GALNT17: variants seen among roughly 807,000 people sequenced by gnomAD.
GALNT17 encodes polypeptide N-acetylgalactosaminyltransferase 17, also known as UDP-GalNAc:polypeptide N-acetylgalactosaminyltransferase-like 3.
A neutral mutation model predicts 63.7 loss-of-function variants in GALNT17; 29 were observed. The observed-to-expected ratio is 0.46, with a 90% confidence interval of 0.34 to 0.62. The LOEUF is 0.62. Among genes scored for constraint, GALNT17 ranks in the 20% least tolerant of loss-of-function variants. The pLI, the probability that GALNT17 is intolerant of heterozygous loss-of-function variation, is 0.01. For missense variants in GALNT17, 603 were observed against 799.6 expected (o/e 0.75, Z 2.97); for synonymous variants, 305 against 318.3 (o/e 0.96, Z 0.45).
At chr7:71,324,390 C>T (rs1028294494) in intron 1 of GALNT17, among the ~76,000 whole-genome samples, 11 of 152,094 alleles carry the variant, frequency 7.2e-5, no homozygotes, top group African/African-American at 2.7e-4. Flanking sequence ...GTGGCTCACA[C>T]CTGTAATCCT....
intron 5 of GALNT17, among the ~76,000 whole-genome samples, chr7:71,513,909 G>A (rs1002366581): frequency 3.3e-5 from 5 of 152,190 alleles, no homozygotes; most frequent in African/African-American, 1.2e-4. Flanking sequence ...TCACAGTGGA[G>A]AGCTGGGCAT....
chr7:71,392,178 T>C (rs1793063792), intron 3 of GALNT17, among the ~76,000 whole-genome samples: 1 of 152,172 alleles, frequency 6.6e-6, no homozygotes, highest in Non-Finnish European at 1.5e-5. Flanking sequence ...GACCCTGAAA[T>C]AAACATCTTC....
chr7:71,545,858 G>A (rs543271254), intron 5 of GALNT17, among the ~76,000 whole-genome samples: 16 of 152,210 alleles, frequency 1.1e-4, no homozygotes, highest in South Asian at 6.2e-4. Flanking sequence ...GGATTTCTCC[G>A]GTAAGTTTTC....
chr7:71,245,848 G>GTTTTTTTTTT (rs542136452), intron 1 of GALNT17, among the ~76,000 whole-genome samples: 3 of 122,878 alleles, frequency 2.4e-5, no homozygotes, highest in South Asian at 2.7e-4. Context: ...AAGAGAGCAG[G>GTTTTTTTTTT]TTTTTTTTTT....
chr7:71,299,507 C>G (rs1010993010), intron 1 of GALNT17, among the ~76,000 whole-genome samples: 2 of 152,156 alleles, frequency 1.3e-5, no homozygotes, highest in African/African-American at 4.8e-5. Context: ...AGGCTCCACG[C>G]ATTCCACAGA....
intron 5 of GALNT17, among the ~76,000 whole-genome samples, chr7:71,516,675 T>C (rs1788450182): frequency 6.6e-6 from 1 of 152,122 alleles, no homozygotes; most frequent in South Asian, 2.1e-4. Context: ...TGACTTGAGA[T>C]CAGCCCAAGG....
At chr7:71,406,327 C>T (rs1438764479) in intron 3 of GALNT17, among the ~76,000 whole-genome samples, 2 of 152,178 alleles carry the variant, frequency 1.3e-5, no homozygotes, top group African/African-American at 4.8e-5. Flanking sequence ...GCATTGGGCC[C>T]CTTACTTGCA....
chr7:71,706,319 C>T (rs1188602698), intron 9 of GALNT17, among the ~76,000 whole-genome samples: 4 of 152,188 alleles, frequency 2.6e-5, no homozygotes, highest in Non-Finnish European at 1.5e-5. Context: ...TCTGCAGGTC[C>T]TGGCATTCTA....
At chr7:71,651,408 T>C (rs1253283742) in intron 6 of GALNT17, among the ~76,000 whole-genome samples, 3 of 151,330 alleles carry the variant, frequency 2.0e-5, no homozygotes, top group African/African-American at 7.3e-5. Context: ...GTTTAAGCAA[T>C]TCTCCTGCCT....
chr7:71,133,173 C>T (rs950515307), intron 1 of GALNT17, 133 bp downstream of exon 1: 43 of 732,174 alleles, frequency 5.9e-5, no homozygotes, highest in East Asian at 1.3e-4. Flanking sequence ...TCCTTCTTAC[C>T]CTTCCTGCCC....
At chr7:71,454,438 A>G (rs1444213037) in intron 5 of GALNT17, among the ~76,000 whole-genome samples, 1 of 152,160 alleles carries the variant, frequency 6.6e-6, no homozygotes, top group Non-Finnish European at 1.5e-5. Flanking sequence ...GTGTATATGT[A>G]CCACATTTTC....
At chr7:71,664,147 G>A (rs375953708) in intron 6 of GALNT17, among the ~76,000 whole-genome samples, 6 of 151,798 alleles carry the variant, frequency 4.0e-5, no homozygotes, top group African/African-American at 1.5e-4. Context: ...GGGATGAGAA[G>A]TCCCACATCC....
At chr7:71,149,680 G>A (rs1382851051) in intron 1 of GALNT17, among the ~76,000 whole-genome samples, 4 of 152,188 alleles carry the variant, frequency 2.6e-5, no homozygotes, top group Non-Finnish European at 5.9e-5. Context: ...TTGATATTAA[G>A]TTAATTAAAA....
At chr7:71,420,586 A>G (rs901502800) in intron 4 of GALNT17, among the ~76,000 whole-genome samples, 1 of 152,162 alleles carries the variant, frequency 6.6e-6, no homozygotes, top group African/African-American at 2.4e-5. Context: ...TCAGTATGAG[A>G]AGTGAGACTT....
chr7:71,360,456 A>T (rs1792376253), intron 2 of GALNT17, among the ~76,000 whole-genome samples: 1 of 151,684 alleles, frequency 6.6e-6, no homozygotes, highest in South Asian at 2.1e-4. Context: ...GGGACTATGG[A>T]TACCGAACTT....
rs1432204789 is a variant in GALNT17 at position 71,353,233 on chromosome 7, A to G, written c.422+17500A>G. 5.9e-5 allele frequency among the ~76,000 whole-genome samples: 9 copies of G among 152,268 alleles called. No homozygotes were observed. The East Asian group carries it at 1.3e-3, about 23-fold the overall frequency. ...TTATCCAGTTTCCTTAAAGGTTCAC[A>G]TTTTACAATATTTATATATCTCCAT... On this transcript the variant is annotated intron_variant, in intron 2 of 10. Transcript: ENST00000333538.
chr7:71,442,875 G>C lies in GALNT17; in HGVS notation c.962+21770G>C, dbSNP rs113489768. ...TGCATGGGAGGTCCTTTATACACTT[G>C]GTAGGATGCCCCAGTCAGTATTTTG... On this transcript the variant is annotated intron_variant, in intron 5 of 10. Transcript: ENST00000333538. Among the ~76,000 whole-genome samples, 351 of 152,250 alleles carry C rather than the reference G, an allele frequency of 2.3e-3. 2 individuals are homozygous for C. Among genetic ancestry groups the C allele is most frequent in the African/African-American group, 8.0e-3 (332 of 41,532 alleles).
rs1786705126 is a variant in GALNT17 at position 71,423,547 on chromosome 7, A to C, written c.962+2442A>C. Among the ~76,000 whole-genome samples the C allele has an allele frequency of 2.0e-5, 3 of 152,166 alleles. No individual in the cohort carries two copies. The South Asian group carries it at 6.2e-4, about 32-fold the overall frequency. ...TTAAGTAAGATAGCACGATGGAATAATGAAGTAGGGATGAAGACTTTTTAC... is the reference window on the plus strand; with the variant it reads ...TTAAGTAAGATAGCACGATGGAATACTGAAGTAGGGATGAAGACTTTTTAC... On this transcript the variant is annotated intron_variant, in intron 5 of 10. Transcript: ENST00000333538.
intron 2 of GALNT17, among the ~76,000 whole-genome samples, chr7:71,381,554 G>A (rs1010688963): frequency 3.3e-5 from 5 of 151,992 alleles, no homozygotes; most frequent in African/African-American, 4.8e-5. Context: ...CGAGGCGGGC[G>A]GATCACCTGA....
Sources: allele counts gnomAD v4.1 joint callset (sites outside exome capture counted in the v4.1 genomes callset), GRCh38; gene constraint gnomAD v4.1.1; transcripts MANE v1.5; gene names NCBI Gene and HGNC (gene_info 2026-07-23, HGNC 2026-07-21).